Variants in HIF3A observed in about 807,000 individuals in gnomAD.
The protein encoded by HIF3A is hypoxia-inducible factor 3-alpha.
A neutral mutation model predicts 67.2 loss-of-function variants in HIF3A; 41 were observed. That is an observed-to-expected ratio of 0.61 (90% CI 0.48 to 0.79). HIF3A has a LOEUF of 0.79. HIF3A is among the 30% of genes least tolerant of loss of function. HIF3A has a pLI of 0.00. For synonymous variants in HIF3A, 356 were observed against 374.8 expected (o/e 0.95, Z 0.58); for missense variants, 855 against 898.0 (o/e 0.95, Z 0.61).
intron 11 of HIF3A, 88 bp from the exon 12 acceptor site, chr19:46,329,119 A>C: frequency 1.6e-6 from 2 of 1,285,106 alleles, no homozygotes; most frequent in Non-Finnish European, 2.1e-6. Context: ...CCACAGGCAC[A>C]GAACTCAGAA....
rs73940661 is a variant in HIF3A at position 46,312,738 on chromosome 19, C to T, written c.1025+85C>T. On this transcript the variant is annotated intron_variant, in intron 8 of 14. Transcript: ENST00000377670. Reference sequence around the variant, plus strand: ...GTGTGTGTGTGTGTGTGTGTGTGTGCGTATGAGCATGCATGTGTATCATGC... The same window carrying T: ...GTGTGTGTGTGTGTGTGTGTGTGTGTGTATGAGCATGCATGTGTATCATGC... The T allele has an allele frequency of 4.2e-3, 1,930 of 462,592 alleles. 12 individuals carry two copies. Among genetic ancestry groups the T allele is most frequent in the African/African-American group, 0.036 (1,345 of 37,382 alleles). 28.7% of individuals were successfully genotyped at this position (462,592 alleles called of 1,614,324 possible).
intron 8 of HIF3A, among the ~76,000 whole-genome samples, chr19:46,314,578 A>G (rs1216371255): frequency 6.8e-6 from 1 of 146,450 alleles, no homozygotes; most frequent in Non-Finnish European, 1.5e-5. Context: ...TTTTTTTGAG[A>G]CAGAGTTTTG....
chr19:46,305,501 G>C, intron 3 of HIF3A, 111 bp downstream of exon 3: 2 of 1,052,644 alleles, frequency 1.9e-6, no homozygotes, highest in South Asian at 3.0e-5. Flanking sequence ...ATACAAAGGG[G>C]ATATAGGTAT....
At chr19:46,336,894 G>C (rs1460799556) in intron 14 of HIF3A, among the ~76,000 whole-genome samples, 1 of 152,184 alleles carries the variant, frequency 6.6e-6, no homozygotes, top group African/African-American at 2.4e-5. Context: ...GGCTGAGACA[G>C]GAGAATCACT....
At chr19:46,324,166 G>T (rs777510355) in intron 10 of HIF3A, among the ~76,000 whole-genome samples, 1 of 152,130 alleles carries the variant, frequency 6.6e-6, no homozygotes, top group Non-Finnish European at 1.5e-5. Context: ...TACCCTGGCT[G>T]GGCAAGCAAG....
At chr19:46,302,275 T>C (rs6509258) in intron 1 of HIF3A, among the ~76,000 whole-genome samples, 133,483 of 152,040 alleles carry the variant, frequency 0.88, 58,792 homozygotes, top group Non-Finnish European at 0.91. Context: ...GACTACAAGG[T>C]GCCCACCACC....
rs185206617 is a variant in HIF3A, at chr19:46,306,840, G to A, written c.364-1381G>A. ...CTACAAGAGATGTTGTCAGAGGAGC[G>A]AGATCTCCCTCTTTCCCTATTCACC... On this transcript the variant is annotated intron_variant, in intron 3 of 14. Transcript: ENST00000377670. 1.4e-3 allele frequency among the ~76,000 whole-genome samples: 212 copies of A among 152,214 alleles called. 1 individual carries two copies. The highest frequency in any genetic ancestry group is 4.8e-3 in the African/African-American group (199 of 41,530).
intron 12 of HIF3A, among the ~76,000 whole-genome samples, chr19:46,329,925 C>A (rs2147277269): frequency 7.3e-6 from 1 of 136,288 alleles, no homozygotes; most frequent in African/African-American, 2.8e-5. Context: ...TGTGCCACTG[C>A]ACTCCAGCCT....
chr19:46,338,830 G>C (rs925158166), intron 14 of HIF3A, among the ~76,000 whole-genome samples: 3 of 152,102 alleles, frequency 2.0e-5, no homozygotes, highest in African/African-American at 7.2e-5. Flanking sequence ...CCGCAGCCCT[G>C]AACACCCCAG....
intron 6 of HIF3A, among the ~76,000 whole-genome samples, chr19:46,311,139 G>A (rs1414210669): frequency 2.0e-5 from 3 of 151,472 alleles, no homozygotes; most frequent in African/African-American, 4.9e-5. Context: ...CCTATGTCAT[G>A]CATGCTGTCT....
chr19:46,302,289 C>T (rs746782067), intron 1 of HIF3A, among the ~76,000 whole-genome samples: 4 of 152,110 alleles, frequency 2.6e-5, no homozygotes, highest in Non-Finnish European at 4.4e-5. Context: ...CACCACCACG[C>T]CCAGCTAATT....
chr19:46,321,680 A>G, intron 9 of HIF3A, 96 bp from the exon 10 acceptor site: 1 of 1,091,258 alleles, frequency 9.2e-7, no homozygotes, highest in Non-Finnish European at 1.3e-6. Context: ...GACCTGCTGA[A>G]GATGTCAACT....
intron 13 of HIF3A, among the ~76,000 whole-genome samples, chr19:46,331,855 CAA>C (rs532285027): frequency 1.2e-4 from 6 of 51,276 alleles, no homozygotes; most frequent in Admixed American, 2.1e-4. Context: ...AACTCCGTCT[CAA>C]AAAAAAAAAA....
In HIF3A at chr19:46,308,744, G is replaced by A. The variant is rs371292313; in HGVS notation, c.530G>A (p.Arg177His). Residue 177 changes from arginine (R) to histidine (H), a missense_variant, in exon 5 of 15, where the codon CGC becomes CAC. By Grantham distance (29) the Arg-to-His change is conservative (BLOSUM62 0). Coordinates refer to ENST00000377670, the MANE Select transcript of HIF3A (RefSeq NM_152795.4). ...RMKSTLTSRG[R>H]TLNLKAATWK... Reference sequence around the variant, plus strand: ...AAGAGTACACTCACCAGCCGCGGGCGCACCCTCAACCTCAAGGCGGCCACC... The same window carrying A: ...AAGAGTACACTCACCAGCCGCGGGCACACCCTCAACCTCAAGGCGGCCACC... 6.6e-5 allele frequency: 106 copies of A among 1,609,104 alleles called. No homozygotes were observed. The African/African-American group carries it at 6.9e-4, about 11-fold the overall frequency.
Position 46,340,196 on chromosome 19 carries a change from G to A in HIF3A, c.*574G>A, listed in dbSNP as rs902199069. The stretch of plus-strand genomic sequence containing the variant: ...CTCTGGGCCAGACCTCACCCCCAGT[G>A]ACTTCCGATTGAGGCCAAAGACCCC... On this transcript the variant is annotated 3_prime_UTR_variant, in exon 15 of 15. Coordinates refer to ENST00000377670, the MANE Select transcript of HIF3A (RefSeq NM_152795.4). 6.6e-6 allele frequency: 1 copy of A among 152,284 alleles called. No individual in the cohort carries two copies. Among genetic ancestry groups the A allele is most frequent in the Non-Finnish European group, 1.5e-5 (1 of 68,118 alleles). The allele number at this position is 152,284 out of a possible 1,614,324, so 9.4% of individuals were successfully genotyped here.
Position 46,297,156 on chromosome 19 carries a change from G to A in HIF3A, c.26+54G>A. 1 of 362,054 alleles carries A rather than the reference G, an allele frequency of 2.8e-6. No individual in the cohort carries two copies. Among genetic ancestry groups the A allele is most frequent in the Non-Finnish European group, 4.9e-6 (1 of 205,596 alleles). 22.4% of individuals were successfully genotyped at this position (362,054 alleles called of 1,614,324 possible). A position where few individuals can be genotyped will look rare whatever the true frequency, so the allele number is the denominator to read the frequency against. On this transcript the variant is annotated intron_variant, in intron 1 of 14. Coordinates refer to ENST00000377670, the MANE Select transcript of HIF3A (RefSeq NM_152795.4). The surrounding 1 kb of genome is among the most constrained non-coding windows in gnomAD (Gnocchi z 4.5). ...GGAATTGGGGGGCTCTCCTCCTGGA[G>A]ACCCCTGAGCTGGATTGTTGGGGGG...
intron 14 of HIF3A, among the ~76,000 whole-genome samples, chr19:46,339,207 A>G (rs1033362840): frequency 2.0e-5 from 3 of 151,288 alleles, no homozygotes; most frequent in Non-Finnish European, 4.4e-5. Flanking sequence ...CACCTTATCT[A>G]AAAAAAAATC....
At chr19:46,303,711 T>C in intron 1 of HIF3A, 187 bp from the exon 2 acceptor site, 2 of 1,570,462 alleles carry the variant, frequency 1.3e-6, no homozygotes, top group Non-Finnish European at 1.7e-6. Flanking sequence ...TAGGAAGGGC[T>C]CCACAGTGTA....
At position 46,339,610 on chromosome 19, in the gene HIF3A, C is replaced by T; in HGVS notation, c.1998C>T (p.Ala666=). The T allele has an allele frequency of 1.2e-6, 2 of 1,603,998 alleles. No homozygotes were observed. The highest frequency in any genetic ancestry group is 1.7e-4 in the Middle Eastern group (1 of 5,938). Residue 666 remains alanine (A), a synonymous_variant, in exon 15 of 15, where the codon GCC becomes GCT. Transcript: ENST00000377670. ...CCTTCCAGCCAAGGGCAGGCTCAGC[C>T]CAGGCTGACTGAGCCGGCTCCTCTC... ...GGPFQPRAGS[A]QAD
Sources: allele counts gnomAD v4.1 joint callset (sites outside exome capture counted in the v4.1 genomes callset), GRCh38; gene constraint gnomAD v4.1.1; non-coding constraint Gnocchi (gnomAD v3.1); transcripts MANE v1.5; gene names NCBI Gene and HGNC (gene_info 2026-07-23, HGNC 2026-07-21).